The following ARMC8 variants were observed in gnomAD, a reference collection of about 807,000 sequenced individuals.
ARMC8 encodes the protein armadillo repeat-containing protein 8.
In ARMC8, 20 loss-of-function variants were observed where a neutral mutation model predicts 99.3. That is an observed-to-expected ratio of 0.20 (90% CI 0.14 to 0.29). The LOEUF (loss-of-function observed/expected upper bound fraction) is 0.29. Ranked by LOEUF, ARMC8 falls within the 10% of genes least tolerant of loss-of-function variation. The probability of loss-of-function intolerance (pLI) is 1.00; values close to 1 mark genes in which losing one functional copy is unlikely to be tolerated. For synonymous variants in ARMC8, 263 were observed against 278.3 expected, an observed-to-expected ratio of 0.95 and a Z score of 0.55; for missense variants, 569 against 809.5, an observed-to-expected ratio of 0.70 and a Z score of 3.60.
chr3:138,247,354 T>C (rs578257775), intron 12 of ARMC8, among the ~76,000 whole-genome samples: 53 of 152,132 alleles, frequency 3.5e-4, no homozygotes, highest in Non-Finnish European at 6.5e-4. Context: ...TTCAGTTAAC[T>C]GAGTCAATAA....
In ARMC8 at chr3:138,288,402, C is replaced by G. The variant is rs141383930; in HGVS notation, c.1822-646C>G. 6.7e-3 allele frequency among the ~76,000 whole-genome samples: 1,026 copies of G among 152,324 alleles called. 8 individuals are homozygous for G. The highest frequency in any genetic ancestry group is 0.024 in the African/African-American group (981 of 41,546). ...GAATTGTCATATGACAGTGTTTCCT[C>G]GTGCATGGATTGAATCATAAATTGC... is the stretch of plus-strand genomic sequence containing the variant. On this transcript the variant is annotated intron_variant, in intron 19 of 21. Transcript: ENST00000469044.
chr3:138,200,904 CTTTTTTTTTTT>C (rs34087212), intron 1 of ARMC8, among the ~76,000 whole-genome samples: 7 of 63,376 alleles, frequency 1.1e-4, no homozygotes, highest in Admixed American at 2.4e-4. Context: ...CTTCAGTGGG[CTTTTTTTTTTT>C]TTTTTTTTTT....
At chr3:138,271,827 G>A (rs550612251) in intron 16 of ARMC8, among the ~76,000 whole-genome samples, 1 of 131,970 alleles carries the variant, frequency 7.6e-6, no homozygotes, top group African/African-American at 3.5e-5. Context: ...ACAGAGTCTC[G>A]CTTAGTTGCC....
At chr3:138,245,621 A>T in intron 12 of ARMC8, 1 of 997,796 alleles carries the variant, frequency 1.0e-6, no homozygotes, top group Non-Finnish European at 1.2e-6. Context: ...GCTTAGTTTT[A>T]TGTTTTGATT....
chr3:138,282,498 T>G (rs983521712), intron 18 of ARMC8, among the ~76,000 whole-genome samples: 1 of 151,916 alleles, frequency 6.6e-6, no homozygotes, highest in East Asian at 1.9e-4. Context: ...ATACAAAAAT[T>G]AGCTGGGCGT....
chr3:138,209,096 G>C (rs144703344), intron 1 of ARMC8, among the ~76,000 whole-genome samples: 1 of 152,338 alleles, frequency 6.6e-6, no homozygotes, highest in South Asian at 2.1e-4. Context: ...CTTACAGACT[G>C]TTTCATGGAG....
At chr3:138,216,632 T>C (rs2045059558) in intron 2 of ARMC8, among the ~76,000 whole-genome samples, 1 of 152,254 alleles carries the variant, frequency 6.6e-6, no homozygotes, top group African/African-American at 2.4e-5. Flanking sequence ...TAATGTAAGT[T>C]GTTTACCATG....
At chr3:138,214,810 T>C (rs7637825) in intron 2 of ARMC8, among the ~76,000 whole-genome samples, 8,422 of 152,190 alleles carry the variant, frequency 0.055, 762 homozygotes, top group African/African-American at 0.19. Context: ...CCTGCCACCA[T>C]GCACAGCTAA....
chr3:138,238,235 T>G (rs2046431868), intron 9 of ARMC8: 1 of 152,092 alleles, frequency 6.6e-6, no homozygotes, highest in Non-Finnish European at 1.5e-5. Flanking sequence ...GCCTGGCTAA[T>G]TTTTGTATTT....
intron 2 of ARMC8, among the ~76,000 whole-genome samples, chr3:138,215,754 A>C (rs1326707202): frequency 4.6e-5 from 7 of 152,172 alleles, no homozygotes; most frequent in Non-Finnish European, 8.8e-5. Flanking sequence ...GCCAGTATTT[A>C]ATTTTCAAAA....
intron 12 of ARMC8, 192 bp from the exon 13 acceptor site, chr3:138,263,547 G>T: frequency 3.3e-6 from 2 of 604,736 alleles, no homozygotes; most frequent in Non-Finnish European, 5.9e-6. Context: ...CAGCCTGGCA[G>T]GTCCTTAGTG....
chr3:138,187,833 G>A (rs1019042763), intron 1 of ARMC8: 1 of 561,448 alleles, frequency 1.8e-6, no homozygotes, highest in African/African-American at 1.9e-5. Context: ...GGGTTCCCAG[G>A]ATGGCGTCTG....
At chr3:138,274,117 C>T (rs1227904802) in intron 17 of ARMC8, among the ~76,000 whole-genome samples, 2 of 152,118 alleles carry the variant, frequency 1.3e-5, no homozygotes, top group African/African-American at 2.4e-5. Context: ...CCGTACTTGG[C>T]CTTTGCTTCC....
intron 9 of ARMC8, 190 bp from the exon 10 acceptor site, chr3:138,239,277 AT>A (rs2108164383): frequency 1.9e-6 from 1 of 513,542 alleles, no homozygotes; most frequent in African/African-American, 2.0e-5. Flanking sequence ...TACCATCTGT[AT>A]TTGTCAGTTA....
At chr3:138,255,241 T>C (rs62280658) in intron 12 of ARMC8, among the ~76,000 whole-genome samples, 3 of 149,854 alleles carry the variant, frequency 2.0e-5, no homozygotes, top group South Asian at 2.1e-4. Context: ...CTCGCTCTGT[T>C]GCCCAGGCTG....
chr3:138,294,464 G>T (rs1205602291), intron 21 of ARMC8, among the ~76,000 whole-genome samples: 1 of 152,142 alleles, frequency 6.6e-6, no homozygotes, highest in Non-Finnish European at 1.5e-5. Context: ...CTCATAACTT[G>T]GAGATAATCT....
rs1248820703 is a variant in ARMC8 at position 138,223,699 on chromosome 3, C to A, written c.401C>A (p.Thr134Asn). Residue 134 changes from threonine (T) to asparagine (N), a missense_variant, in exon 5 of 22, where the codon ACC becomes AAC. Thr to Asn is a moderately conservative substitution (Grantham distance 65). Coordinates refer to ENST00000469044, the MANE Select transcript of ARMC8 (RefSeq NM_001363941.2). ...ACLRCLRTIF[T>N]SPVTPEELLY... is the part of the protein sequence containing the mutation. Reference sequence around the variant, plus strand: ...CTCCGATGCCTGCGTACCATCTTCACCAGTCCTGTCACTCCAGAGGAGCTA... The same window carrying A: ...CTCCGATGCCTGCGTACCATCTTCAACAGTCCTGTCACTCCAGAGGAGCTA... The A allele has an allele frequency of 1.2e-6, 2 of 1,614,180 alleles. No homozygotes were observed. Among genetic ancestry groups the A allele is most frequent in the African/African-American group, 2.7e-5 (2 of 75,048 alleles).
intron 5 of ARMC8, 150 bp from the exon 6 acceptor site, chr3:138,228,768 G>A (rs1306392876): frequency 4.1e-5 from 24 of 591,816 alleles, no homozygotes; most frequent in African/African-American, 7.5e-5. Context: ...TCATGGCCTC[G>A]TTGCTTTTGT....
chr3:138,296,228 A>C lies in ARMC8; in HGVS notation c.*336A>C, dbSNP rs955585521. 4.2e-5 allele frequency: 10 copies of C among 237,166 alleles called. No homozygotes were observed. The highest frequency in any genetic ancestry group is 1.7e-4 in the Admixed American group (3 of 17,558). 14.7% of individuals were successfully genotyped at this position (237,166 alleles called of 1,614,324 possible). ...TGAGAATGAATATGTCTGTGTGAACACACAGGCATGCGTGTGTATGTGCAC... is the reference window on the plus strand; with the variant it reads ...TGAGAATGAATATGTCTGTGTGAACCCACAGGCATGCGTGTGTATGTGCAC... On this transcript the variant is annotated 3_prime_UTR_variant, in exon 22 of 22. Transcript: ENST00000469044.
Sources: gnomAD v4.1 joint callset for allele counts (sites outside exome capture counted in the v4.1 genomes callset) on GRCh38, gnomAD v4.1.1 for gene constraint, MANE v1.5 for transcripts, NCBI Gene and HGNC (gene_info 2026-07-23, HGNC 2026-07-21) for gene names.